The following B4GALT6 variants were observed in gnomAD, a reference collection of about 807,000 sequenced individuals.
The protein encoded by B4GALT6 is beta-1,4-galactosyltransferase 6.
Under a neutral mutation model 46.3 loss-of-function variants are expected in B4GALT6, and 14 were observed. The observed-to-expected ratio is 0.30, with a 90% CI of 0.20 to 0.47. The LOEUF (loss-of-function observed/expected upper bound fraction) is 0.47. B4GALT6 is among the 20% of genes least tolerant of loss of function. The probability of loss-of-function intolerance (pLI) is 0.99; values close to 1 mark genes in which losing one functional copy is unlikely to be tolerated. For missense variants in B4GALT6, 386 were observed against 480.1 expected, an observed-to-expected ratio of 0.80 and a Z score of 1.83; for synonymous variants, 168 against 162.0, an observed-to-expected ratio of 1.04 and a Z score of -0.28.
At chr18:31,652,120 T>C (rs923228576) in intron 3 of B4GALT6, among the ~76,000 whole-genome samples, 5 of 151,996 alleles carry the variant, frequency 3.3e-5, no homozygotes, top group African/African-American at 1.2e-4. Flanking sequence ...CTCAAGTCCA[T>C]CTCTTCCTAA....
chr18:31,680,367 T>C (rs1047203291), intron 1 of B4GALT6, among the ~76,000 whole-genome samples: 6 of 152,140 alleles, frequency 3.9e-5, no homozygotes, highest in African/African-American at 1.4e-4. Context: ...GGAAAGGACC[T>C]AAGATACCTC....
chr18:31,637,383 A>G (rs2073872396), intron 5 of B4GALT6, among the ~76,000 whole-genome samples: 1 of 139,786 alleles, frequency 7.2e-6, no homozygotes, highest in Non-Finnish European at 1.5e-5. Context: ...CTTCCATGCA[A>G]TGTATGCTTT....
the B4GALT6 span, among the ~76,000 whole-genome samples, chr18:31,712,287 ATTTTTTTTTTTTTTTTT>A: frequency 3.0e-4 from 25 of 84,630 alleles, no homozygotes; most frequent in South Asian, 8.8e-4. Context: ...CTGGGACGTT[ATTTTTTTTTTTTTTTTT>A]TTTTTTTTTT....
At chr18:31,662,310 C>A (rs950781505) in intron 2 of B4GALT6, among the ~76,000 whole-genome samples, 5 of 152,210 alleles carry the variant, frequency 3.3e-5, no homozygotes, top group African/African-American at 4.8e-5. Context: ...CACCTCCACA[C>A]TCCTTCAGTA....
chr18:31,665,249 T>A (rs1419025162), intron 2 of B4GALT6, among the ~76,000 whole-genome samples: 1 of 152,238 alleles, frequency 6.6e-6, no homozygotes, highest in East Asian at 1.9e-4. Context: ...ACAACCCCAC[T>A]GAATCCTTTA....
chr18:31,724,601 GC>G, the B4GALT6 span: 2 of 1,064,192 alleles, frequency 1.9e-6, no homozygotes, highest in South Asian at 3.4e-5. Flanking sequence ...CTGGAGAGCT[GC>G]CCCGGGGCCA....
At chr18:31,690,435 C>T (rs1425983089), upstream of B4GALT6, among the ~76,000 whole-genome samples, 2 of 146,136 alleles carry the variant, frequency 1.4e-5, no homozygotes, top group East Asian at 4.2e-4. Flanking sequence ...CCAACCCCTG[C>T]AGTCATTTAA....
rs1050253221 is a variant in B4GALT6, at chr18:31,624,758, T to A, written c.*856A>T. 2 of 152,446 alleles carry A rather than the reference T, an allele frequency of 1.3e-5. No individual in the cohort carries two copies. Among genetic ancestry groups the A allele is most frequent in the Non-Finnish European group, 2.9e-5 (2 of 67,994 alleles). The allele number at this position is 152,446 out of a possible 1,614,324, so 9.4% of individuals were successfully genotyped here. A position where few individuals can be genotyped will look rare whatever the true frequency, so the allele number is the denominator to read the frequency against. On this transcript the variant is annotated 3_prime_UTR_variant, in exon 9 of 9. Transcript: ENST00000306851. ...TATAAACACACAACCTTGGAAACAT[T>A]TTTTGAGGCACAAAATCCCTGACAC... is the stretch of plus-strand genomic sequence containing the variant.
At chr18:31,672,343 G>C (rs1314279071) in intron 1 of B4GALT6, among the ~76,000 whole-genome samples, 2 of 152,150 alleles carry the variant, frequency 1.3e-5, no homozygotes, top group Non-Finnish European at 2.9e-5. Flanking sequence ...AGCTACAAGA[G>C]GGCTAGAAAT....
chr18:31,709,740 A>T, the B4GALT6 span, among the ~76,000 whole-genome samples: 1 of 152,112 alleles, frequency 6.6e-6, no homozygotes, highest in East Asian at 1.9e-4. Context: ...AGTTCCAGAC[A>T]AATAGGAAAT....
At position 31,645,483 on chromosome 18, in the gene B4GALT6, C is replaced by G. The variant is rs2144583924; in HGVS notation, c.347-4G>C. The G allele has an allele frequency of 6.2e-7, 1 of 1,600,830 alleles. No individual in the cohort carries two copies. Among genetic ancestry groups the G allele is most frequent in the Non-Finnish European group, 8.5e-7 (1 of 1,176,788 alleles). On this transcript the variant is annotated splice_region_variant and splice_polypyrimidine_tract_variant and intron_variant, in intron 3 of 8. Transcript: ENST00000306851. ...ACATTGACATTGAGGAATCCTCCTA[C>G]AAATTAAAAATGTAAAGAATTGTTT...
At chr18:31,658,113 CAA>C (rs67738912) in intron 2 of B4GALT6, 24 bp from the exon 3 acceptor site, 70,134 of 1,208,576 alleles carry the variant, frequency 0.058, no homozygotes, top group South Asian at 0.11. Flanking sequence ...AAAAGAGTTA[CAA>C]AAAAAAAAAA....
At chr18:31,677,468 T>C (rs1286954398) in intron 1 of B4GALT6, among the ~76,000 whole-genome samples, 1 of 152,174 alleles carries the variant, frequency 6.6e-6, no homozygotes, top group Non-Finnish European at 1.5e-5. Context: ...CACCTGAAAG[T>C]TTCCAGTGGG....
At chr18:31,684,721 C>T (rs2074524772), upstream of B4GALT6, 7 of 1,113,358 alleles carry the variant, frequency 6.3e-6, no homozygotes, top group South Asian at 1.1e-4. Flanking sequence ...GGAAGAAAGC[C>T]GGGGAAGGGC....
intron 1 of B4GALT6, among the ~76,000 whole-genome samples, chr18:31,679,357 G>A (rs1396067794): frequency 6.6e-6 from 1 of 152,232 alleles, no homozygotes; most frequent in Non-Finnish European, 1.5e-5. Context: ...AGATATAGCT[G>A]AGTCACATAT....
the B4GALT6 span, among the ~76,000 whole-genome samples, chr18:31,720,461 G>T: frequency 6.6e-6 from 1 of 152,218 alleles, no homozygotes; most frequent in Non-Finnish European, 1.5e-5. Context: ...GGGTGCCATC[G>T]TGATATCCAA....
chr18:31,690,333 G>A (rs148312026), upstream of B4GALT6, among the ~76,000 whole-genome samples: 49 of 151,962 alleles, frequency 3.2e-4, 2 homozygotes, highest in East Asian at 7.2e-3. Flanking sequence ...TTTTCACCAT[G>A]TTGGCCAAGC....
the B4GALT6 span, among the ~76,000 whole-genome samples, chr18:31,713,318 C>A: frequency 6.6e-6 from 1 of 152,314 alleles, no homozygotes; most frequent in South Asian, 2.1e-4. Flanking sequence ...TGCTGCTGCA[C>A]TCCAGCCCGG....
chr18:31,640,289 A>C (rs548795024), intron 4 of B4GALT6, among the ~76,000 whole-genome samples: 46 of 152,300 alleles, frequency 3.0e-4, no homozygotes, highest in Non-Finnish European at 5.7e-4. Flanking sequence ...GAGAATACTT[A>C]AGTTTTGCAC....
Sources: allele counts gnomAD v4.1 joint callset (sites outside exome capture counted in the v4.1 genomes callset), GRCh38; gene constraint gnomAD v4.1.1; transcripts MANE v1.5; gene names NCBI Gene and HGNC (gene_info 2026-07-23, HGNC 2026-07-21).